Variants in METTL15 observed in about 807,000 individuals in gnomAD.
The protein encoded by METTL15 is 12S rRNA N(4)-cytidine methyltransferase METTL15.
METTL15 carries 34 observed loss-of-function variants against 38.3 expected under a neutral mutation model. That is an observed-to-expected ratio of 0.89 (90% CI 0.68 to 1.18). METTL15 has a LOEUF of 1.18. Ranked by LOEUF, METTL15 falls within the 50% of genes most tolerant of loss-of-function variation. The pLI, the probability that METTL15 is intolerant of heterozygous loss-of-function variation, is 0.00. For missense variants in METTL15, 438 were observed against 498.4 expected (o/e 0.88, Z 1.15); for synonymous variants, 162 against 170.9 (o/e 0.95, Z 0.41).
chr11:28,532,267 G>T, the METTL15 span, among the ~76,000 whole-genome samples: 40 of 152,108 alleles, frequency 2.6e-4, no homozygotes, highest in African/African-American at 9.6e-4. Flanking sequence ...TCAGCAACCA[G>T]TCTTGATCAA....
chr11:28,446,919 T>C (rs1168649272), intron 6 of METTL15, among the ~76,000 whole-genome samples: 1 of 152,098 alleles, frequency 6.6e-6, no homozygotes, highest in Non-Finnish European at 1.5e-5. Context: ...CAAGAATACA[T>C]ACACACATAT....
intron 3 of METTL15, among the ~76,000 whole-genome samples, chr11:28,184,706 G>T (rs955870940): frequency 6.6e-6 from 1 of 151,530 alleles, no homozygotes; most frequent in African/African-American, 2.4e-5. Flanking sequence ...ATTGATTAAA[G>T]TTAATGCTAT....
At chr11:28,278,886 A>T (rs1268758317) in intron 4 of METTL15, among the ~76,000 whole-genome samples, 2 of 151,974 alleles carry the variant, frequency 1.3e-5, no homozygotes, top group East Asian at 3.9e-4. Context: ...GAGTGCAGTG[A>T]TACAATCTTG....
At chr11:28,491,747 T>G (rs1357945311) in intron 6 of METTL15, among the ~76,000 whole-genome samples, 2 of 152,184 alleles carry the variant, frequency 1.3e-5, no homozygotes, top group Non-Finnish European at 2.9e-5. Flanking sequence ...TAAATGTGAA[T>G]TTCAGATAGA....
chr11:28,206,016 C>T (rs1403166595), intron 3 of METTL15, among the ~76,000 whole-genome samples: 3 of 140,094 alleles, frequency 2.1e-5, no homozygotes, highest in African/African-American at 5.7e-5. Context: ...AGCCCTTTGT[C>T]AGATGAGTAG....
chr11:28,470,260 G>A (rs1193259879), intron 6 of METTL15, among the ~76,000 whole-genome samples: 1 of 152,108 alleles, frequency 6.6e-6, no homozygotes, highest in East Asian at 1.9e-4. Flanking sequence ...GCATATATTG[G>A]AGATTGCTAG....
At chr11:28,285,497 T>C (rs1032834687) in intron 4 of METTL15, among the ~76,000 whole-genome samples, 3 of 152,044 alleles carry the variant, frequency 2.0e-5, no homozygotes, top group Non-Finnish European at 4.4e-5. Flanking sequence ...TAAAGAAGAC[T>C]TAAAGAACAT....
At chr11:28,326,340 C>A (rs1849634025) in intron 6 of METTL15, among the ~76,000 whole-genome samples, 1 of 151,826 alleles carries the variant, frequency 6.6e-6, no homozygotes, top group Admixed American at 6.6e-5. Context: ...GCTGTTCTTA[C>A]CTAGTTTGTG....
rs775068130 is a variant in METTL15 at position 28,295,483 on chromosome 11, G to A, written c.600-1270G>A. Among the ~76,000 whole-genome samples, 5 of 151,848 alleles carry A rather than the reference G, an allele frequency of 3.3e-5. No homozygotes were observed. The South Asian group carries it at 8.3e-4, about 25-fold the overall frequency. On this transcript the variant is annotated intron_variant, in intron 5 of 6. Transcript: ENST00000407364. ...GCAGTCCGACATAAAAACAATTATT[G>A]TAAGCTACTCGGGAGGCTGAGGCAG...
intron 6 of METTL15, among the ~76,000 whole-genome samples, chr11:28,445,858 G>T (rs2133443861): frequency 6.6e-6 from 1 of 151,908 alleles, no homozygotes; most frequent in East Asian, 1.9e-4. Context: ...TTGCCATGTT[G>T]CCCAGGCGGT....
At chr11:28,513,120 T>A (rs1423846085) in intron 6 of METTL15, among the ~76,000 whole-genome samples, 1 of 152,144 alleles carries the variant, frequency 6.6e-6, no homozygotes, top group Non-Finnish European at 1.5e-5. Context: ...CACTGCACAT[T>A]TTCTTCCAGA....
chr11:28,152,464 A>C lies in METTL15; in HGVS notation c.270+38860A>C, dbSNP rs1009096051. ...GTGATAGCCATATGATGGTCACTAA[A>C]TTTTGTTTTTTAAATATAGTTTGAC... On this transcript the variant is annotated intron_variant, in intron 3 of 6. Transcript: ENST00000407364. Among the ~76,000 whole-genome samples, 37 of 152,138 alleles carry C rather than the reference A, an allele frequency of 2.4e-4. 1 individual carries two copies. Among genetic ancestry groups the C allele is most frequent in the Non-Finnish European group, 4.9e-4 (33 of 67,972 alleles).
intron 4 of METTL15, among the ~76,000 whole-genome samples, chr11:28,245,042 A>G (rs1854453056): frequency 6.6e-6 from 1 of 152,226 alleles, no homozygotes; most frequent in Non-Finnish European, 1.5e-5. Flanking sequence ...TAGGACCTGA[A>G]CTGATGTTCA....
chr11:28,131,363 AG>A (rs1849329274), intron 3 of METTL15, among the ~76,000 whole-genome samples: 1 of 152,152 alleles, frequency 6.6e-6, no homozygotes, highest in Non-Finnish European at 1.5e-5. Context: ...TCTCTAGCCC[AG>A]GTTTACCTGG....
At chr11:28,317,186 T>G (rs374141534) in intron 6 of METTL15, among the ~76,000 whole-genome samples, 109 of 152,250 alleles carry the variant, frequency 7.2e-4, no homozygotes, top group African/African-American at 2.4e-3. Context: ...GATCGTGTTG[T>G]CATCAGACTT....
chr11:28,332,466 T>C lies in METTL15; in HGVS notation c.*1625T>C, dbSNP rs1215044917. 3 of 151,942 alleles carry C rather than the reference T, an allele frequency of 2.0e-5. No homozygotes were observed. Among genetic ancestry groups the C allele is most frequent in the Non-Finnish European group, 2.9e-5 (2 of 68,016 alleles). The allele number at this position is 151,942 out of a possible 1,614,324, so 9.4% of individuals were successfully genotyped here. A position where few individuals can be genotyped will look rare whatever the true frequency, so the allele number is the denominator to read the frequency against. ...AGTCATTTTTTCACCCTGTATAGTATGGGAATTATTTTTTATGTTAAATAG... is the reference window on the plus strand; with the variant it reads ...AGTCATTTTTTCACCCTGTATAGTACGGGAATTATTTTTTATGTTAAATAG... On this transcript the variant is annotated 3_prime_UTR_variant, in exon 7 of 7. Transcript: ENST00000407364.
At position 28,217,330 on chromosome 11, in the gene METTL15, A is replaced by T. The variant is rs527381577; in HGVS notation, c.407+6132A>T. ...ATGGCCAGTGATGATGAGCATTTTT[A>T]CATGTGTCTTTTGGCTGCATAAATG... On this transcript the variant is annotated intron_variant, in intron 4 of 6. Coordinates refer to ENST00000407364, the MANE Select transcript of METTL15 (RefSeq NM_001113528.2). 8.5e-5 allele frequency among the ~76,000 whole-genome samples: 13 copies of T among 152,164 alleles called. 1 individual carries two copies. In the South Asian group the frequency reaches 1.5e-3, roughly 17 times the overall value.
chr11:28,122,685 G>T (rs1852304372), intron 3 of METTL15, among the ~76,000 whole-genome samples: 1 of 150,326 alleles, frequency 6.7e-6, no homozygotes, highest in African/African-American at 2.4e-5. Context: ...TTTAAAATTT[G>T]GCATTCATGA....
intron 5 of METTL15, among the ~76,000 whole-genome samples, chr11:28,410,494 C>T (rs959237016): frequency 3.3e-5 from 5 of 152,102 alleles, no homozygotes; most frequent in African/African-American, 1.2e-4. Context: ...TGTGATACAT[C>T]ACACCAACAG....
Sources: gnomAD v4.1 joint callset for allele counts (sites outside exome capture counted in the v4.1 genomes callset) on GRCh38, gnomAD v4.1.1 for gene constraint, MANE v1.5 for transcripts, NCBI Gene and HGNC (gene_info 2026-07-23, HGNC 2026-07-21) for gene names.